The following TRPM3 variants were observed in gnomAD, a reference collection of about 807,000 sequenced individuals.
TRPM3 encodes the protein long transient receptor potential channel 3.
A neutral mutation model predicts 181.2 loss-of-function variants in TRPM3; 77 were observed. The ratio of observed to expected loss-of-function variants is 0.42; its 90% CI spans 0.35 to 0.51. The LOEUF (loss-of-function observed/expected upper bound fraction) is 0.51. TRPM3 is among the 20% of genes least tolerant of loss of function. TRPM3 has a pLI of 0.01. For synonymous variants in TRPM3, 745 were observed against 796.4 expected, an observed-to-expected ratio of 0.94 and a Z score of 1.09; for missense variants, 1,759 against 2,196.7, an observed-to-expected ratio of 0.80 and a Z score of 3.98.
At chr9:70,769,011 A>T (rs1283937678) in intron 7 of TRPM3, among the ~76,000 whole-genome samples, 1 of 152,152 alleles carries the variant, frequency 6.6e-6, no homozygotes, top group African/African-American at 2.4e-5. Context: ...ATCATATCTT[A>T]TTCAGATGAT....
intron 6 of TRPM3, among the ~76,000 whole-genome samples, chr9:70,808,084 T>C (rs1564389591): frequency 6.6e-6 from 1 of 152,102 alleles, no homozygotes; most frequent in Non-Finnish European, 1.5e-5. Context: ...GGAGAAGCTA[T>C]AAAAACAGAT....
At chr9:70,942,594 A>G (rs929123238) in intron 1 of TRPM3, among the ~76,000 whole-genome samples, 26 of 152,162 alleles carry the variant, frequency 1.7e-4, no homozygotes, top group African/African-American at 6.0e-4. Flanking sequence ...TTTTCCAGTA[A>G]TGAAGGCTGG....
intron 1 of TRPM3, among the ~76,000 whole-genome samples, chr9:71,346,032 T>C (rs1203062170): frequency 6.6e-6 from 1 of 152,190 alleles, no homozygotes; most frequent in Non-Finnish European, 1.5e-5. Context: ...CACACAAATA[T>C]GTTATCAAAA....
intron 8 of TRPM3, among the ~76,000 whole-genome samples, chr9:70,739,842 T>C (rs1377821959): frequency 1.3e-5 from 2 of 152,166 alleles, no homozygotes; most frequent in Admixed American, 6.5e-5. Context: ...GGTCTCGAAC[T>C]ACTGGCCTCA....
intron 6 of TRPM3, among the ~76,000 whole-genome samples, chr9:70,820,004 A>G (rs1588817503): frequency 6.6e-6 from 1 of 152,336 alleles, no homozygotes; most frequent in Middle Eastern, 3.4e-3. Context: ...TAATATTTCA[A>G]AATATAGTCT....
At chr9:70,547,687 C>G (rs2045378653) in intron 25 of TRPM3, among the ~76,000 whole-genome samples, 1 of 152,104 alleles carries the variant, frequency 6.6e-6, no homozygotes, top group Non-Finnish European at 1.5e-5. Context: ...CTTTCAGGCC[C>G]CTGTTACTCC....
intron 1 of TRPM3, among the ~76,000 whole-genome samples, chr9:70,915,130 A>G (rs2096578005): frequency 6.6e-6 from 1 of 152,222 alleles, no homozygotes; most frequent in African/African-American, 2.4e-5. Flanking sequence ...AGAAACAGAG[A>G]TATGTGACCT....
intron 8 of TRPM3, among the ~76,000 whole-genome samples, chr9:70,690,462 A>G (rs2134429051): frequency 6.6e-6 from 1 of 152,266 alleles, no homozygotes; most frequent in East Asian, 1.9e-4. Context: ...CAATGTGTTT[A>G]CCAAGGATAG....
intron 22 of TRPM3, among the ~76,000 whole-genome samples, chr9:70,569,898 C>T (rs2051728021): frequency 6.6e-6 from 1 of 151,844 alleles, no homozygotes; most frequent in African/African-American, 2.4e-5. Context: ...ATATTTTTTT[C>T]ATTGCTTCTG....
chr9:71,316,277 C>A (rs898539204), intron 1 of TRPM3, among the ~76,000 whole-genome samples: 1 of 152,148 alleles, frequency 6.6e-6, no homozygotes, highest in African/African-American at 2.4e-5. Context: ...CCAACAGACA[C>A]GCTCTAAAAC....
chr9:71,375,987 C>G (rs2092656488), intron 1 of TRPM3, among the ~76,000 whole-genome samples: 4 of 152,058 alleles, frequency 2.6e-5, no homozygotes, highest in Admixed American at 2.6e-4. Context: ...GGAACCGAAC[C>G]TACAATATCT....
At chr9:71,380,200 A>G (rs2092766193) in intron 1 of TRPM3, among the ~76,000 whole-genome samples, 3 of 152,058 alleles carry the variant, frequency 2.0e-5, no homozygotes, top group African/African-American at 7.2e-5. Flanking sequence ...TCTTCCTTCT[A>G]GAGAAAGGCT....
chr9:71,118,155 C>T (rs558282593), intron 1 of TRPM3, among the ~76,000 whole-genome samples: 2 of 152,084 alleles, frequency 1.3e-5, no homozygotes, highest in Non-Finnish European at 2.9e-5. Context: ...TGAAATTTAC[C>T]CATTTGAAAA....
chr9:71,100,963 C>T (rs1410589622), intron 1 of TRPM3, among the ~76,000 whole-genome samples: 1 of 152,114 alleles, frequency 6.6e-6, no homozygotes, highest in Non-Finnish European at 1.5e-5. Flanking sequence ...ATTCTTTCTT[C>T]TTCCCAAATC....
intron 1 of TRPM3, among the ~76,000 whole-genome samples, chr9:70,939,519 G>A (rs984544950): frequency 3.3e-5 from 5 of 152,148 alleles, no homozygotes; most frequent in Admixed American, 1.3e-4. Context: ...ATGCTTCAAG[G>A]AACAGTTTCT....
intron 1 of TRPM3, among the ~76,000 whole-genome samples, chr9:71,424,111 A>G (rs1313188223): frequency 6.6e-6 from 1 of 152,136 alleles, no homozygotes; most frequent in African/African-American, 2.4e-5. Context: ...TGCCTTATAG[A>G]CTACCTTCAC....
At chr9:70,998,661 T>C (rs2097568987) in intron 1 of TRPM3, among the ~76,000 whole-genome samples, 1 of 152,164 alleles carries the variant, frequency 6.6e-6, no homozygotes, top group African/African-American at 2.4e-5. Context: ...TCCTCCTCCA[T>C]CACTACTTCT....
chr9:70,837,992 A>G (rs1301089604), intron 5 of TRPM3, among the ~76,000 whole-genome samples: 2 of 152,192 alleles, frequency 1.3e-5, no homozygotes, highest in African/African-American at 4.8e-5. Flanking sequence ...TAAAACTAAT[A>G]TATGCAGTCG....
At chr9:70,986,993 T>C (rs1372665029) in intron 1 of TRPM3, among the ~76,000 whole-genome samples, 1 of 151,804 alleles carries the variant, frequency 6.6e-6, no homozygotes, top group African/African-American at 2.4e-5. Context: ...ACTTGACATG[T>C]ATCTAGTGTG....
Sources: allele counts gnomAD v4.1 joint callset (sites outside exome capture counted in the v4.1 genomes callset), GRCh38; gene constraint gnomAD v4.1.1; transcripts MANE v1.5; gene names NCBI Gene and HGNC (gene_info 2026-07-23, HGNC 2026-07-21).